Variants in PRELID2 observed in about 807,000 individuals in gnomAD.
PRELID2 encodes PRELI domain containing 2.
In PRELID2, 25 loss-of-function variants were observed where a neutral mutation model predicts 28.4. The observed-to-expected ratio is 0.88, with a 90% CI of 0.64 to 1.23. PRELID2 has a LOEUF of 1.23. PRELID2 is among the 50% of genes most tolerant of loss of function. The pLI is 0.00. For missense variants in PRELID2, 201 were observed against 214.4 expected (o/e 0.94, Z 0.39); for synonymous variants, 76 against 71.6 (o/e 1.06, Z -0.31).
chr5:145,533,870 T>G (rs1166911479), intron 1 of PRELID2, among the ~76,000 whole-genome samples: 1 of 152,054 alleles, frequency 6.6e-6, no homozygotes, highest in Admixed American at 6.6e-5. Context: ...ACCAACTGAT[T>G]GGATGTTTCT....
intron 1 of PRELID2, among the ~76,000 whole-genome samples, chr5:145,494,306 A>G (rs1268406493): frequency 1.3e-5 from 2 of 152,236 alleles, no homozygotes. Context: ...CAAAGTGTCA[A>G]ATAGGCACTA....
At chr5:145,574,099 G>C (rs1367261018) in intron 1 of PRELID2, among the ~76,000 whole-genome samples, 1 of 152,156 alleles carries the variant, frequency 6.6e-6, no homozygotes, top group Non-Finnish European at 1.5e-5. Context: ...GCAATCACAG[G>C]ATCCTAAACA....
intron 1 of PRELID2, among the ~76,000 whole-genome samples, chr5:145,545,633 G>A (rs1212091684): frequency 6.6e-6 from 1 of 152,084 alleles, no homozygotes; most frequent in Non-Finnish European, 1.5e-5. Flanking sequence ...CTCAGGGAAG[G>A]AAAGGGCCTT....
intron 1 of PRELID2, among the ~76,000 whole-genome samples, chr5:145,610,308 G>A (rs1054043841): frequency 6.6e-6 from 1 of 152,098 alleles, no homozygotes; most frequent in African/African-American, 2.4e-5. Context: ...ATCCCAACAT[G>A]GTTTCTTGGA....
At chr5:145,768,872 C>G (rs536269739) in intron 5 of PRELID2, among the ~76,000 whole-genome samples, 1 of 151,656 alleles carries the variant, frequency 6.6e-6, no homozygotes, top group African/African-American at 2.4e-5. Context: ...CTAAGCAGAA[C>G]AGTTAGAAAT....
intron 1 of PRELID2, chr5:145,826,253 G>A (rs1561656121): frequency 1.2e-6 from 1 of 860,242 alleles, no homozygotes; most frequent in African/African-American, 1.9e-5. Flanking sequence ...ATAGTGTAAA[G>A]CCCGCAGACA....
the PRELID2 span, among the ~76,000 whole-genome samples, chr5:145,426,298 CA>C: frequency 1.3e-5 from 2 of 152,116 alleles, no homozygotes; most frequent in East Asian, 3.9e-4. Context: ...ACATTTCCTT[CA>C]GACGTTAAAT....
the PRELID2 span, among the ~76,000 whole-genome samples, chr5:145,428,397 GC>G: frequency 1.3e-5 from 2 of 151,916 alleles, no homozygotes; most frequent in South Asian, 2.1e-4. Context: ...ACACTTCTAA[GC>G]TTTTCTAGGC....
the PRELID2 span, among the ~76,000 whole-genome samples, chr5:145,288,958 C>A: frequency 6.6e-6 from 1 of 152,124 alleles, no homozygotes; most frequent in Non-Finnish European, 1.5e-5. Context: ...ATTTTTTCAA[C>A]TAAATTACAG....
At position 145,649,945 on chromosome 5, in the gene PRELID2, C is replaced by T. The variant is rs192809848; in HGVS notation, n.70+114986G>A. 1.9e-3 allele frequency among the ~76,000 whole-genome samples: 282 copies of T among 152,068 alleles called. 3 individuals are homozygous for T. The highest frequency in any genetic ancestry group is 6.4e-3 in the African/African-American group (267 of 41,498). On this transcript the variant is annotated intron_variant and non_coding_transcript_variant, in intron 1 of 2. Transcript: ENST00000510259. ...CTTGTTGTTTGGGTCAAATCTTCTA[C>T]GGAGGAAATATTTTATTGAGTATTA...
At chr5:145,572,314 G>A (rs1271659895) in intron 1 of PRELID2, among the ~76,000 whole-genome samples, 1 of 152,142 alleles carries the variant, frequency 6.6e-6, no homozygotes, top group Non-Finnish European at 1.5e-5. Flanking sequence ...ATGACCTTGG[G>A]TGTATGTTCC....
Position 145,728,301 on chromosome 5 carries a change from C to T in PRELID2, n.70+36630G>A, listed in dbSNP as rs115919278. 2.8e-3 allele frequency: 775 copies of T among 276,094 alleles called. 3 individuals carry two copies. Among genetic ancestry groups the T allele is most frequent in the African/African-American group, 0.016 (722 of 44,836 alleles). The allele number at this position is 276,094 out of a possible 1,614,324, so 17.1% of individuals were successfully genotyped here. A position where few individuals can be genotyped will look rare whatever the true frequency, so the allele number is the denominator to read the frequency against. On this transcript the variant is annotated intron_variant and non_coding_transcript_variant, in intron 1 of 2. Coordinates refer to the PRELID2 transcript ENST00000510259. ...TGATACCTGTTAGTTCCTGTGAGTT[C>T]CTGCAAGTCCCTGTCTATCTATCTC...
chr5:145,674,693 C>T (rs923950256), intron 1 of PRELID2, among the ~76,000 whole-genome samples: 1 of 152,048 alleles, frequency 6.6e-6, no homozygotes, highest in African/African-American at 2.4e-5. Flanking sequence ...CCTGTAATCC[C>T]ATAACTTTGG....
chr5:145,477,024 T>C (rs1192595357), intron 1 of PRELID2, among the ~76,000 whole-genome samples: 1 of 152,218 alleles, frequency 6.6e-6, no homozygotes, highest in Non-Finnish European at 1.5e-5. Flanking sequence ...TTTTCTATAA[T>C]ATAATTCTGG....
At chr5:145,765,339 A>C (rs77614215) in intron 5 of PRELID2, among the ~76,000 whole-genome samples, 1 of 152,320 alleles carries the variant, frequency 6.6e-6, no homozygotes, top group East Asian at 1.9e-4. Context: ...ATATTCATTG[A>C]ACATTTACAA....
At chr5:145,266,968 C>A in the PRELID2 span, among the ~76,000 whole-genome samples, 1 of 152,018 alleles carries the variant, frequency 6.6e-6, no homozygotes, top group Non-Finnish European at 1.5e-5. Flanking sequence ...CAAGTAGGAG[C>A]TAAGCTATGA....
intron 1 of PRELID2, among the ~76,000 whole-genome samples, chr5:145,739,264 G>C (rs1378250941): frequency 6.6e-6 from 1 of 152,178 alleles, no homozygotes; most frequent in East Asian, 1.9e-4. Flanking sequence ...CCAGCACTTT[G>C]GGAGGCTGAG....
At chr5:145,416,109 C>T in the PRELID2 span, among the ~76,000 whole-genome samples, 5 of 152,038 alleles carry the variant, frequency 3.3e-5, no homozygotes, top group Non-Finnish European at 5.9e-5. Context: ...ATATCCTTCA[C>T]CCACTTTTTG....
At chr5:145,783,663 A>C (rs771612437) in intron 5 of PRELID2, among the ~76,000 whole-genome samples, 11 of 152,232 alleles carry the variant, frequency 7.2e-5, no homozygotes, top group Non-Finnish European at 1.0e-4. Flanking sequence ...GGAATAGGGA[A>C]AAAATATTTC....
Sources: gnomAD v4.1 joint callset for allele counts (sites outside exome capture counted in the v4.1 genomes callset) on GRCh38, gnomAD v4.1.1 for gene constraint, MANE v1.5 for transcripts, NCBI Gene and HGNC (gene_info 2026-07-23, HGNC 2026-07-21) for gene names.